The following BIRC3 variants were observed in gnomAD, a reference collection of about 807,000 sequenced individuals.
BIRC3 encodes the protein baculoviral IAP repeat-containing protein 3.
A neutral mutation model predicts 59.0 loss-of-function variants in BIRC3; 26 were observed. The observed-to-expected ratio is 0.44, with a 90% confidence interval of 0.32 to 0.61. BIRC3 has a LOEUF of 0.61. Among genes scored for constraint, BIRC3 ranks in the 20% least tolerant of loss-of-function variants. BIRC3 has a pLI of 0.04. For missense variants in BIRC3, 641 were observed against 711.5 expected (o/e 0.90, Z 1.13); for synonymous variants, 243 against 249.2 (o/e 0.98, Z 0.24).
intron 5 of BIRC3, among the ~76,000 whole-genome samples, chr11:102,329,149 G>C (rs774336622): frequency 4.6e-5 from 7 of 152,124 alleles, no homozygotes; most frequent in Non-Finnish European, 1.0e-4. Flanking sequence ...CAGATTTCCA[G>C]TTTCTACTTC....
rs374571638 is a variant in BIRC3 at position 102,324,812 on chromosome 11, C to T, written c.303C>T (p.Ser101=). The change falls in exon 2 of 9, where the codon TCC becomes TCT. Residue 101 remains serine, a synonymous_variant. Coordinates refer to ENST00000263464, the MANE Select transcript of BIRC3 (RefSeq NM_001165.5). ...PSCRFVQSLN[S]VNNLEATSQP... Reference sequence around the variant, plus strand: ...GCAGATTCGTTCAGAGTCTAAATTCCGTTAACAACTTGGAAGCTACCTCTC... The same window carrying T: ...GCAGATTCGTTCAGAGTCTAAATTCTGTTAACAACTTGGAAGCTACCTCTC... 28 of 1,614,038 alleles carry T rather than the reference C, an allele frequency of 1.7e-5. No individual in the cohort carries two copies. Among genetic ancestry groups the T allele is most frequent in the East Asian group, 1.1e-4 (5 of 44,900 alleles).
At chr11:102,333,671 G>A (rs1330907957) in intron 6 of BIRC3, among the ~76,000 whole-genome samples, 4 of 152,140 alleles carry the variant, frequency 2.6e-5, no homozygotes, top group Admixed American at 6.6e-5. Flanking sequence ...GCTTGAACCT[G>A]GGAGGCAGAG....
Position 102,339,036 on chromosome 11 carries a change from C to T in BIRC3, c.*1934C>T, listed in dbSNP as rs200999395. On this transcript the variant is annotated 3_prime_UTR_variant, in exon 9 of 9. Transcript: ENST00000263464. ...ATCTCTGCATTCTGATGCTGGGAGA[C>T]TTATTTCCTTGAAATGCAATTGATT... The T allele has an allele frequency of 3.8e-5, 8 of 212,356 alleles. No individual in the cohort carries two copies. Among genetic ancestry groups the T allele is most frequent in the Non-Finnish European group, 6.7e-5 (7 of 105,016 alleles). The allele number at this position is 212,356 out of a possible 1,614,324, so 13.2% of individuals were successfully genotyped here. A position where few individuals can be genotyped will look rare whatever the true frequency, so the allele number is the denominator to read the frequency against.
At chr11:102,326,504 G>C (rs1445188498) in intron 3 of BIRC3, among the ~76,000 whole-genome samples, 1 of 152,082 alleles carries the variant, frequency 6.6e-6, no homozygotes, top group Non-Finnish European at 1.5e-5. Flanking sequence ...GCTTCAAAAA[G>C]TTTTTTACAC....
chr11:102,335,837 A>C (rs1033828826), intron 6 of BIRC3, 129 bp from the exon 7 acceptor site: 1 of 918,890 alleles, frequency 1.1e-6, no homozygotes, highest in African/African-American at 1.7e-5. Context: ...CCCTAAACCT[A>C]GCAATCAACA....
intron 4 of BIRC3, 31 bp from the exon 5 acceptor site, chr11:102,328,865 TA>T: frequency 1.3e-6 from 1 of 748,604 alleles, no homozygotes; most frequent in Non-Finnish European, 1.8e-6. Context: ...AATTTATATA[TA>T]TATATATATA....
chr11:102,333,084 G>A (rs1343067215), intron 6 of BIRC3, among the ~76,000 whole-genome samples: 1 of 152,074 alleles, frequency 6.6e-6, no homozygotes, highest in East Asian at 1.9e-4. Context: ...GTGAAAAAGA[G>A]CCCTTAGCGT....
At position 102,328,914 on chromosome 11, in the gene BIRC3, C is replaced by T. The variant is rs1028862279; in HGVS notation, c.1050C>T (p.Asp350=). 2 of 1,386,466 alleles carry T rather than the reference C, an allele frequency of 1.4e-6. No homozygotes were observed. Among genetic ancestry groups the T allele is most frequent in the East Asian group, 2.9e-5 (1 of 34,638 alleles). 85.9% of individuals were successfully genotyped at this position (1,386,466 alleles called of 1,614,324 possible). A position where few individuals can be genotyped will look rare whatever the true frequency, so the allele number is the denominator to read the frequency against. The part of the protein sequence containing the change: ...HLLEQLLSTS[D]SPGDENAESS... ...TTCTGCAGCTGCTATCCACATCAGACAGCCCAGGAGATGAAAATGCAGAGT... is the reference window on the plus strand; with the variant it reads ...TTCTGCAGCTGCTATCCACATCAGATAGCCCAGGAGATGAAAATGCAGAGT... Residue 350 remains aspartate, a synonymous_variant, in exon 5 of 9, where the codon GAC becomes GAT. Transcript: ENST00000263464.
rs1951034309 is a variant in BIRC3, at chr11:102,321,916, C to T, written c.-2594C>T. The T allele has an allele frequency of 5.5e-6, 1 of 182,934 alleles. No individual in the cohort carries two copies. Among genetic ancestry groups the T allele is most frequent in the Non-Finnish European group, 1.2e-5 (1 of 86,250 alleles). The allele number at this position is 182,934 out of a possible 1,614,324, so 11.3% of individuals were successfully genotyped here. Reference sequence around the variant, plus strand: ...AAATCAAAACATCTCAAAATGGAGACCTAAAATCCTTAAAGGGACTTAGTC... The same window carrying T: ...AAATCAAAACATCTCAAAATGGAGATCTAAAATCCTTAAAGGGACTTAGTC... On this transcript the variant is annotated 5_prime_UTR_variant, in exon 2 of 9. Transcript: ENST00000263464.
At chr11:102,326,085 G>A (rs1250271529) in intron 3 of BIRC3, among the ~76,000 whole-genome samples, 3 of 151,754 alleles carry the variant, frequency 2.0e-5, no homozygotes, top group African/African-American at 7.3e-5. Context: ...CCATTCATTC[G>A]GTATTCAATA....
In BIRC3 at chr11:102,337,467, G is replaced by C. The variant is rs1469717668; in HGVS notation, c.*365G>C. On this transcript the variant is annotated 3_prime_UTR_variant, in exon 9 of 9. Transcript: ENST00000263464. ...ATACCGGGAACATGAAGCCAGGTGT[G>C]GTGGTATGTGCCTGTAGTCCCAGGC... The C allele has an allele frequency of 1.3e-5, 5 of 397,822 alleles. No individual in the cohort carries two copies. Among genetic ancestry groups the C allele is most frequent in the Non-Finnish European group, 1.8e-5 (4 of 225,834 alleles). The allele number at this position is 397,822 out of a possible 1,614,324, so 24.6% of individuals were successfully genotyped here. A position where few individuals can be genotyped will look rare whatever the true frequency, so the allele number is the denominator to read the frequency against.
At chr11:102,326,533 T>A (rs188844428) in intron 3 of BIRC3, among the ~76,000 whole-genome samples, 74 of 152,334 alleles carry the variant, frequency 4.9e-4, no homozygotes, top group Middle Eastern at 3.4e-3. Flanking sequence ...TTCATCTAAA[T>A]CATGTGGCCT....
chr11:102,334,185 A>G (rs964297358), intron 6 of BIRC3, among the ~76,000 whole-genome samples: 3 of 152,302 alleles, frequency 2.0e-5, no homozygotes, highest in Non-Finnish European at 4.4e-5. Flanking sequence ...TTGTATTTTT[A>G]TTTTCTAATA....
At position 102,324,604 on chromosome 11, in the gene BIRC3, G is replaced by A; in HGVS notation, c.95G>A (p.Arg32Gln). 2 of 1,614,102 alleles carry A rather than the reference G, an allele frequency of 1.2e-6. No homozygotes were observed. Among genetic ancestry groups the A allele is most frequent in the Non-Finnish European group, 1.7e-6 (2 of 1,179,996 alleles). The change falls in exon 2 of 9, where the codon CGA (arginine) becomes CAA (glutamine). Residue 32 changes from arginine to glutamine, a missense_variant. Arg to Gln is a conservative substitution (Grantham distance 43). Around this residue, in one of 4 missense-constraint regions of BIRC3, gnomAD observed 329 missense variants for 365.6 expected, o/e 0.90. Transcript: ENST00000263464. ...LKYDLSCELY[R>Q]MSTYSTFPAG... is the part of the protein sequence containing the mutation. Reference sequence around the variant, plus strand: ...TACGACTTGTCATGTGAACTGTACCGAATGTCTACGTATTCCACTTTTCCT... The same window carrying A: ...TACGACTTGTCATGTGAACTGTACCAAATGTCTACGTATTCCACTTTTCCT...
intron 5 of BIRC3, among the ~76,000 whole-genome samples, chr11:102,330,035 G>A (rs1328990847): frequency 1.3e-5 from 2 of 152,108 alleles, no homozygotes; most frequent in Non-Finnish European, 2.9e-5. Flanking sequence ...CAGGAGAAAG[G>A]GATATGGCAG....
intron 1 of BIRC3, among the ~76,000 whole-genome samples, chr11:102,318,236 A>G (rs542580361): frequency 6.6e-6 from 1 of 152,350 alleles, no homozygotes. Flanking sequence ...AGAAGCAGGT[A>G]CCATAATTAT....
chr11:102,326,014 A>C (rs1280767864), intron 3 of BIRC3, among the ~76,000 whole-genome samples: 1 of 152,164 alleles, frequency 6.6e-6, no homozygotes, highest in Non-Finnish European at 1.5e-5. Flanking sequence ...CATTTTACAT[A>C]AGTTAAATAT....
At chr11:102,331,295 T>C in intron 6 of BIRC3, 54 bp downstream of exon 6, 1 of 1,489,740 alleles carries the variant, frequency 6.7e-7, no homozygotes, top group East Asian at 2.4e-5. Flanking sequence ...TATCAGTCTA[T>C]ATGTTATGAA....
intron 2 of BIRC3, 32 bp downstream of exon 2, chr11:102,325,394 T>A (rs375360890): frequency 4.4e-6 from 7 of 1,581,482 alleles, no homozygotes; most frequent in East Asian, 2.2e-5. Context: ...TTAAAAAAAA[T>A]ATATTTCATT....
Sources: gnomAD v4.1 joint callset for allele counts (sites outside exome capture counted in the v4.1 genomes callset) on GRCh38, gnomAD v4.1.1 for gene constraint, gnomAD v4.1.1 regional missense constraint, MANE v1.5 for transcripts, NCBI Gene and HGNC (gene_info 2026-07-23, HGNC 2026-07-21) for gene names.